Variants in CSKMT observed in about 807,000 individuals in gnomAD.
CSKMT encodes the protein citrate synthase lysine methyltransferase.
In CSKMT, 6 loss-of-function variants were observed where a neutral mutation model predicts 4.6. The ratio of observed to expected loss-of-function variants is 1.31; its 90% CI spans 0.72 to 2.59. CSKMT has a LOEUF of 2.59. CSKMT is among the 30% of genes most tolerant of loss of function. CSKMT has a pLI of 0.00. For synonymous variants in CSKMT, 142 were observed against 128.9 expected, an observed-to-expected ratio of 1.10 and a Z score of -0.69; for missense variants, 328 against 298.0, an observed-to-expected ratio of 1.10 and a Z score of -0.74.
In CSKMT at chr11:62,666,518, C is replaced by T. The variant is rs1005348888; in HGVS notation, c.190C>T (p.Leu64=). ...TGGATACGACGAAGTCCAGGGGCTC[C>T]TACTGCCATTGCTGCAGGAGGCACA... The part of the protein sequence containing the change: ...FFGYDEVQGL[L]LPLLQEAQAA... The change falls in exon 3 of 3, where the codon CTA becomes TTA. Residue 64 remains leucine, a synonymous_variant. Transcript: ENST00000532971. 6.2e-7 allele frequency: 1 copy of T among 1,614,032 alleles called. No homozygotes were observed. The highest frequency in any genetic ancestry group is 8.5e-7 in the Non-Finnish European group (1 of 1,180,030).
At position 62,665,844 on chromosome 11, in the gene CSKMT, A is replaced by T; in HGVS notation, c.-36A>T. On this transcript the variant is annotated 5_prime_UTR_variant, in exon 2 of 3. Coordinates refer to ENST00000532971, the MANE Select transcript of CSKMT (RefSeq NM_001043229.2). ...GGCTGGAGTAGGGTGGACGCTTCACATAAGCTTCTCTGGTCGAACTTACCC... is the reference window on the plus strand; with the variant it reads ...GGCTGGAGTAGGGTGGACGCTTCACTTAAGCTTCTCTGGTCGAACTTACCC... 1 of 1,608,250 alleles carries T rather than the reference A, an allele frequency of 6.2e-7. No individual in the cohort carries two copies. The highest frequency in any genetic ancestry group is 2.2e-5 in the East Asian group (1 of 44,706).
chr11:62,667,734 G>A lies in CSKMT; in HGVS notation c.*683G>A. ...TTAAAGGACTTCTAGGGTCCTGTGG[G>A]CTCCAAGCCCAGCCTGGGATGGAGG... On this transcript the variant is annotated 3_prime_UTR_variant, in exon 3 of 3. Coordinates refer to ENST00000532971, the MANE Select transcript of CSKMT (RefSeq NM_001043229.2). The A allele has an allele frequency of 1.2e-6, 2 of 1,606,212 alleles. No individual in the cohort carries two copies. The highest frequency in any genetic ancestry group is 2.2e-5 in the South Asian group (2 of 90,946).
At position 62,666,499 on chromosome 11, in the gene CSKMT, C is replaced by T. The variant is rs751224800; in HGVS notation, c.171C>T (p.Tyr57=). 1.7e-5 allele frequency: 27 copies of T among 1,614,072 alleles called. No individual in the cohort carries two copies. Among genetic ancestry groups the T allele is most frequent in the East Asian group, 6.7e-5 (3 of 44,882 alleles). Residue 57 remains tyrosine (Y), a synonymous_variant, in exon 3 of 3, where the codon TAC becomes TAT. Transcript: ENST00000532971. ...CCACCTTCGACTGGTTCTTTGGATA[C>T]GACGAAGTCCAGGGGCTCCTACTGC... ...TVPTFDWFFG[Y]DEVQGLLLPL...
chr11:62,665,933 C>T lies in CSKMT; in HGVS notation c.54C>T (p.Cys18=). ...TGCCGAGCCTGATGATGGGGACGTGCCGCCCCTTTGCGGGTAGGGAGGTGG... is the reference window on the plus strand; with the variant it reads ...TGCCGAGCCTGATGATGGGGACGTGTCGCCCCTTTGCGGGTAGGGAGGTGG... The part of the protein sequence containing the change: ...LHLPSLMMGT[C]RPFAGSLADS... The change falls in exon 2 of 3, where the codon TGC becomes TGT. Residue 18 remains cysteine (C), a synonymous_variant. Transcript: ENST00000532971. 6.2e-7 allele frequency: 1 copy of T among 1,612,472 alleles called. No individual in the cohort carries two copies.
In CSKMT at chr11:62,665,666, C is replaced by T; in HGVS notation, c.-214C>T. 2.0e-6 allele frequency: 3 copies of T among 1,470,030 alleles called. No individual in the cohort carries two copies. Among genetic ancestry groups the T allele is most frequent in the South Asian group, 1.3e-5 (1 of 74,170 alleles). The allele number at this position is 1,470,030 out of a possible 1,614,324, so 91.1% of individuals were successfully genotyped here. On this transcript the variant is annotated 5_prime_UTR_variant, in exon 2 of 3. Coordinates refer to ENST00000532971, the MANE Select transcript of CSKMT (RefSeq NM_001043229.2). ...TTTCAGGTCTGCGGACGCTGTATACCCTCCTCCACTTCCCGCTGCAGCCAA... is the reference window on the plus strand; with the variant it reads ...TTTCAGGTCTGCGGACGCTGTATACTCTCCTCCACTTCCCGCTGCAGCCAA...
Position 62,665,910 on chromosome 11 carries a change from C to A in CSKMT, c.31C>A (p.Pro11Thr), listed in dbSNP as rs965186554. MAALRRMLHL[P>T]SLMMGTCRPF... ...CGCGCTGCGTCGAATGCTCCACTTG[C>A]CGAGCCTGATGATGGGGACGTGCCG... Residue 11 changes from proline (P) to threonine (T), a missense_variant, in exon 2 of 3, where the codon CCG becomes ACG. Coordinates refer to ENST00000532971, the MANE Select transcript of CSKMT (RefSeq NM_001043229.2). The A allele has an allele frequency of 9.3e-6, 15 of 1,613,276 alleles. No individual in the cohort carries two copies. The highest frequency in any genetic ancestry group is 1.3e-5 in the Non-Finnish European group (15 of 1,179,862).
chr11:62,665,969 G>T (rs773038049), intron 2 of CSKMT, 23 bp downstream of exon 2: 4 of 1,598,656 alleles, frequency 2.5e-6, no homozygotes, highest in Non-Finnish European at 3.4e-6. Context: ...GGGCAGAGTG[G>T]AGAGGGCAAG....
chr11:62,666,109 A>G lies in CSKMT; in HGVS notation c.67+163A>G, dbSNP rs1944802545. ...ACGGCTGTAATGCTAACACTTTGCC[A>G]GGCCGAGGCGGGCAGATCGCTTGGC... On this transcript the variant is annotated intron_variant, in intron 2 of 2. Coordinates refer to ENST00000532971, the MANE Select transcript of CSKMT (RefSeq NM_001043229.2). 4 of 882,368 alleles carry G rather than the reference A, an allele frequency of 4.5e-6. No individual in the cohort carries two copies. In the Admixed American group the frequency reaches 8.1e-5, roughly 18 times the overall value. 54.7% of individuals were successfully genotyped at this position (882,368 alleles called of 1,614,324 possible). A position where few individuals can be genotyped will look rare whatever the true frequency, so the allele number is the denominator to read the frequency against.
chr11:62,666,564 T>A lies in CSKMT; in HGVS notation c.236T>A (p.Val79Glu), dbSNP rs562774549. ...GCACAGGCTGCCAGTCCTCTGCGAGTGCTGGATGTGGGCTGTGGGACTTCC... is the reference window on the plus strand; with the variant it reads ...GCACAGGCTGCCAGTCCTCTGCGAGAGCTGGATGTGGGCTGTGGGACTTCC... ...QEAQAASPLR[V>E]LDVGCGTSSL... The change falls in exon 3 of 3, where the codon GTG becomes GAG. Residue 79 changes from valine to glutamate, a missense_variant. Transcript: ENST00000532971. 1.1e-5 allele frequency: 17 copies of A among 1,613,996 alleles called. No homozygotes were observed. Among genetic ancestry groups the A allele is most frequent in the Non-Finnish European group, 1.4e-5 (17 of 1,180,024 alleles).
In CSKMT at chr11:62,665,508, G is replaced by A. The variant is rs770414732; in HGVS notation, c.-233-139G>A. 3 of 1,572,922 alleles carry A rather than the reference G, an allele frequency of 1.9e-6. No homozygotes were observed. The East Asian group carries it at 7.0e-5, about 37-fold the overall frequency. ...GGGAAAGGGCTCTGGCCCCCTCGGC[G>A]TCATGTCTTCGGTGCTGGCGGCTTC... On this transcript the variant is annotated intron_variant, in intron 1 of 2. Coordinates refer to ENST00000532971, the MANE Select transcript of CSKMT (RefSeq NM_001043229.2).
chr11:62,667,780 T>TA lies in CSKMT; in HGVS notation c.*730dup, dbSNP rs1344902652. On this transcript the variant is annotated 3_prime_UTR_variant, in exon 3 of 3. Transcript: ENST00000532971. ...GGAGGAAGAGAGGGGACAAAAATAT[T>TA]ACTGATATATTATCAAATTACAAAA... 1.4e-6 allele frequency: 2 copies of TA among 1,396,628 alleles called. No homozygotes were observed. The highest frequency in any genetic ancestry group is 2.0e-6 in the Non-Finnish European group (2 of 994,582). The allele number at this position is 1,396,628 out of a possible 1,614,324, so 86.5% of individuals were successfully genotyped here. A position where few individuals can be genotyped will look rare whatever the true frequency, so the allele number is the denominator to read the frequency against.
Position 62,667,859 on chromosome 11 carries a change from G to C in CSKMT, c.*808G>C. 1.3e-6 allele frequency: 1 copy of C among 747,582 alleles called. No individual in the cohort carries two copies. Among genetic ancestry groups the C allele is most frequent in the South Asian group, 1.7e-5 (1 of 58,202 alleles). The allele number at this position is 747,582 out of a possible 1,614,324, so 46.3% of individuals were successfully genotyped here. On this transcript the variant is annotated 3_prime_UTR_variant, in exon 3 of 3. Transcript: ENST00000532971. ...TAATCACAGCACTTTGGGAGGCCAA[G>C]GTGGGCAGATTGCTTGAGCCCTGGC... is the stretch of plus-strand genomic sequence containing the variant.
Position 62,666,714 on chromosome 11 carries a change from T to C in CSKMT, c.386T>C (p.Leu129Pro). The change falls in exon 3 of 3, where the codon CTA (leucine) becomes CCA (proline). Residue 129 changes from leucine (L) to proline (P), a missense_variant. Leu to Pro is a moderately conservative substitution (Grantham distance 98). Transcript: ENST00000532971. ...LLEGGPGQTP[L>P]CPGHPASSLH... is the part of the protein sequence containing the mutation. ...GAGGGTGGCCCAGGCCAAACACCTC[T>C]ATGCCCTGGACACCCTGCCTCAAGC... The C allele has an allele frequency of 1.2e-6, 2 of 1,614,068 alleles. No individual in the cohort carries two copies. Among genetic ancestry groups the C allele is most frequent in the Non-Finnish European group, 1.7e-6 (2 of 1,180,010 alleles).
In CSKMT at chr11:62,667,367, T is replaced by C. The variant is rs1431516014; in HGVS notation, c.*316T>C. 2 of 752,492 alleles carry C rather than the reference T, an allele frequency of 2.7e-6. No homozygotes were observed. The highest frequency in any genetic ancestry group is 4.4e-6 in the Non-Finnish European group (2 of 455,686). 46.6% of individuals were successfully genotyped at this position (752,492 alleles called of 1,614,324 possible). A position where few individuals can be genotyped will look rare whatever the true frequency, so the allele number is the denominator to read the frequency against. ...GCTCCTAAAAGCAGCAGACAGGAAC[T>C]GAATCAAAACCCCTGCGCTGACTGA... On this transcript the variant is annotated 3_prime_UTR_variant, in exon 3 of 3. Coordinates refer to ENST00000532971, the MANE Select transcript of CSKMT (RefSeq NM_001043229.2).
At chr11:62,666,169 G>A in intron 2 of CSKMT, 3 of 700,276 alleles carry the variant, frequency 4.3e-6, no homozygotes, top group South Asian at 3.7e-5. Context: ...GCAACATAGC[G>A]AGACCCTGTC....
At position 62,666,969 on chromosome 11, in the gene CSKMT, A is replaced by G. The variant is rs773778431; in HGVS notation, c.641A>G (p.Tyr214Cys). The G allele has an allele frequency of 5.0e-6, 8 of 1,614,064 alleles. No homozygotes were observed. The African/African-American group carries it at 6.7e-5, about 13-fold the overall frequency. The change falls in exon 3 of 3, where the codon TAT becomes TGT. Residue 214 changes from tyrosine (Y) to cysteine (C), a missense_variant. By Grantham distance (194) the Tyr-to-Cys change is radical. Transcript: ENST00000532971. ...CTGCCCTGCCTGGAACAAGGGTCCT[A>G]TGGCTGGACTGTGACTGTGCAGGAG... Reference protein sequence around the residue: ...VRLPCLEQGSYGWTVTVQELG... With the variant: ...VRLPCLEQGSCGWTVTVQELG...
At position 62,665,887 on chromosome 11, in the gene CSKMT, C is replaced by A. The variant is rs1335376097; in HGVS notation, c.8C>A (p.Ala3Glu). The change falls in exon 2 of 3, where the codon GCG becomes GAG. Residue 3 changes from alanine (A) to glutamate (E), a missense_variant. Physicochemically the swap from Ala to Glu is moderately radical, Grantham distance 107 (BLOSUM62 -1). Transcript: ENST00000532971. MA[A>E]LRRMLHLPSL... ...ACTTACCCGAATCTCCAGATGGCCG[C>A]GCTGCGTCGAATGCTCCACTTGCCG... 6.2e-7 allele frequency: 1 copy of A among 1,613,498 alleles called. No individual in the cohort carries two copies. Among genetic ancestry groups the A allele is most frequent in the Non-Finnish European group, 8.5e-7 (1 of 1,179,758 alleles).
At position 62,665,334 on chromosome 11, in the gene CSKMT, T is replaced by G. The variant is rs951110387; in HGVS notation, c.-234+2T>G. 1.9e-5 allele frequency: 14 copies of G among 753,486 alleles called. No homozygotes were observed. The highest frequency in any genetic ancestry group is 3.1e-5 in the Non-Finnish European group (14 of 454,232). The allele number at this position is 753,486 out of a possible 1,614,324, so 46.7% of individuals were successfully genotyped here. On this transcript the variant is annotated splice_donor_variant, in intron 1 of 2. Transcript: ENST00000532971. LOFTEE classifies it low-confidence loss of function (5UTR_SPLICE). The stretch of plus-strand genomic sequence containing the variant: ...GGCCTTTCGGAGGGTGGTGAGCTAG[T>G]AAGTGTGGTTTTAGCTGTAGTAGCC...
chr11:62,665,378 T>G (rs999250449), intron 1 of CSKMT, 46 bp downstream of exon 1: 1 of 1,059,864 alleles, frequency 9.4e-7, no homozygotes, highest in Non-Finnish European at 1.4e-6. Flanking sequence ...CGGCCGGGAG[T>G]GGTGGGGGTG....
Sources: allele counts gnomAD v4.1 joint callset, GRCh38; gene constraint gnomAD v4.1.1; transcripts MANE v1.5; gene names NCBI Gene and HGNC (gene_info 2026-07-23, HGNC 2026-07-21).